TSPAN18: variants seen among roughly 807,000 people sequenced by gnomAD.
TSPAN18 encodes the protein tetraspanin-18.
A neutral mutation model predicts 27.3 loss-of-function variants in TSPAN18; 14 were observed. That is an observed-to-expected ratio of 0.51 (90% CI 0.34 to 0.80). The LOEUF (loss-of-function observed/expected upper bound fraction) is 0.80. Ranked by LOEUF, TSPAN18 falls within the 30% of genes least tolerant of loss-of-function variation. The pLI is 0.01. For missense variants in TSPAN18, 268 were observed against 323.9 expected (o/e 0.83, Z 1.32); for synonymous variants, 143 against 136.5 (o/e 1.05, Z -0.33).
At chr11:44,825,904 G>A (rs1483640678) in intron 2 of TSPAN18, among the ~76,000 whole-genome samples, 2 of 152,146 alleles carry the variant, frequency 1.3e-5, no homozygotes, top group African/African-American at 2.4e-5. Flanking sequence ...AGGCAGCCTC[G>A]AAAACCAGGG....
At chr11:44,906,357 C>T (rs1461867437) in intron 3 of TSPAN18, 50 bp from the exon 4 acceptor site, 1 of 1,582,850 alleles carries the variant, frequency 6.3e-7, no homozygotes, top group South Asian at 1.1e-5. Flanking sequence ...TGGGGTTCTT[C>T]CTGGGTGGGG....
At chr11:44,883,811 C>T (rs1352820578) in intron 3 of TSPAN18, among the ~76,000 whole-genome samples, 1 of 152,214 alleles carries the variant, frequency 6.6e-6, no homozygotes, top group African/African-American at 2.4e-5. Context: ...TGCCTAGGTT[C>T]GGATGCCAGC....
intron 8 of TSPAN18, among the ~76,000 whole-genome samples, chr11:44,922,465 G>T (rs745969723): frequency 2.1e-4 from 32 of 152,264 alleles, no homozygotes; most frequent in Admixed American, 5.2e-4. Flanking sequence ...CAAGGATCTG[G>T]GAAGAGTTGA....
intron 2 of TSPAN18, chr11:44,859,812 C>T (rs1183841940): frequency 6.6e-6 from 1 of 152,242 alleles, no homozygotes; most frequent in Non-Finnish European, 1.5e-5. Context: ...CTGCCACCAA[C>T]TTGCTGTGTG....
intron 2 of TSPAN18, among the ~76,000 whole-genome samples, chr11:44,790,250 C>T (rs1323232542): frequency 2.1e-5 from 3 of 143,556 alleles, no homozygotes; most frequent in Non-Finnish European, 3.0e-5. Flanking sequence ...TGTGCCTGTG[C>T]GTGCATATGT....
At chr11:44,728,695 T>C (rs1854579028) in intron 1 of TSPAN18, among the ~76,000 whole-genome samples, 1 of 152,216 alleles carries the variant, frequency 6.6e-6, no homozygotes, top group Non-Finnish European at 1.5e-5. Flanking sequence ...CTGCCCTGGG[T>C]CCCAGTTGTC....
chr11:44,863,231 A>G (rs1400105271), intron 3 of TSPAN18, among the ~76,000 whole-genome samples: 1 of 152,206 alleles, frequency 6.6e-6, no homozygotes, highest in Non-Finnish European at 1.5e-5. Flanking sequence ...GTTAGAAAGG[A>G]CATTCGGGAG....
intron 8 of TSPAN18, among the ~76,000 whole-genome samples, chr11:44,923,856 TG>T (rs1400527719): frequency 6.6e-6 from 1 of 152,176 alleles, no homozygotes; most frequent in Admixed American, 6.5e-5. Context: ...TCTCTGTTCC[TG>T]GGAAGCTTCC....
At chr11:44,791,050 G>A (rs1343159276) in intron 2 of TSPAN18, among the ~76,000 whole-genome samples, 3 of 152,240 alleles carry the variant, frequency 2.0e-5, no homozygotes, top group African/African-American at 7.2e-5. Context: ...ATGAAGGCTA[G>A]CCTGGTTCCC....
intron 2 of TSPAN18, among the ~76,000 whole-genome samples, chr11:44,777,995 C>A (rs1855853253): frequency 6.6e-6 from 1 of 151,958 alleles, no homozygotes; most frequent in South Asian, 2.1e-4. Flanking sequence ...AGAAAGGATA[C>A]CCTAGGGGGT....
intron 3 of TSPAN18, among the ~76,000 whole-genome samples, chr11:44,864,960 T>G (rs1857996487): frequency 6.6e-6 from 1 of 152,186 alleles, no homozygotes. Context: ...AGCCAGAGGT[T>G]GGTGAATGGA....
In TSPAN18 at chr11:44,886,911, A is replaced by G. The variant is rs149459671; in HGVS notation, c.-10-19496A>G. ...ACAGCTTGTCTGTGTGCCTGGGTAT[A>G]TATTGTCTGTGTGGGTTTGTTTGCA... On this transcript the variant is annotated intron_variant, in intron 3 of 9. Transcript: ENST00000520358. Among the ~76,000 whole-genome samples, 774 of 152,180 alleles carry G rather than the reference A, an allele frequency of 5.1e-3. 5 individuals carry two copies. Among genetic ancestry groups the G allele is most frequent in the African/African-American group, 0.018 (745 of 41,536 alleles).
chr11:44,740,331 C>T (rs1289372211), intron 1 of TSPAN18, among the ~76,000 whole-genome samples: 1 of 152,172 alleles, frequency 6.6e-6, no homozygotes, highest in Non-Finnish European at 1.5e-5. Context: ...ATAAGGGTGT[C>T]GGTTGGCAGA....
intron 2 of TSPAN18, among the ~76,000 whole-genome samples, chr11:44,784,389 T>C (rs1486673333): frequency 6.6e-6 from 1 of 152,172 alleles, no homozygotes; most frequent in Non-Finnish European, 1.5e-5. Flanking sequence ...CTCATGGTCT[T>C]GCTTTTACTC....
intron 3 of TSPAN18, among the ~76,000 whole-genome samples, chr11:44,861,085 G>T (rs1335516891): frequency 6.6e-6 from 1 of 152,138 alleles, no homozygotes; most frequent in African/African-American, 2.4e-5. Flanking sequence ...AAATGATGCT[G>T]TTAGGACCGT....
Position 44,882,627 on chromosome 11 carries a change from C to CACACACACACACACACAG in TSPAN18, c.-11+22159_-11+22160insCACACACACACACACAGA, listed in dbSNP as rs375349718. The stretch of plus-strand genomic sequence containing the variant: ...ACACACACACACACACACACACACA[C>CACACACACACACACACAG]AGAGAGAGAGCATGTGCGTGCATGT... On this transcript the variant is annotated intron_variant, in intron 3 of 9. Coordinates refer to ENST00000520358, the MANE Select transcript of TSPAN18 (RefSeq NM_130783.5). Among the ~76,000 whole-genome samples, 282 of 130,648 alleles carry CACACACACACACACACAG rather than the reference C, an allele frequency of 2.2e-3. 3 individuals are homozygous for CACACACACACACACACAG. The highest frequency in any genetic ancestry group is 7.9e-3 in the African/African-American group (264 of 33,224). The allele number at this position is 130,648 out of a possible 152,430, so 85.7% of individuals were successfully genotyped here.
chr11:44,915,984 TG>T (rs1859894240), intron 5 of TSPAN18, among the ~76,000 whole-genome samples: 1 of 152,136 alleles, frequency 6.6e-6, no homozygotes, highest in South Asian at 2.1e-4. Context: ...CTTGATGTGG[TG>T]GCTGGGGACA....
chr11:44,899,657 T>C (rs1184715740), intron 3 of TSPAN18, among the ~76,000 whole-genome samples: 1 of 152,230 alleles, frequency 6.6e-6, no homozygotes, highest in African/African-American at 2.4e-5. Flanking sequence ...ACTGTACCTC[T>C]ATGATACCAT....
Position 44,929,842 on chromosome 11 carries a change from A to C in TSPAN18, c.*664A>C, listed in dbSNP as rs1368045183. The C allele has an allele frequency of 6.6e-6, 1 of 152,548 alleles. No homozygotes were observed. The highest frequency in any genetic ancestry group is 1.5e-5 in the Non-Finnish European group (1 of 68,338). The allele number at this position is 152,548 out of a possible 1,614,324, so 9.4% of individuals were successfully genotyped here. On this transcript the variant is annotated 3_prime_UTR_variant, in exon 10 of 10. Transcript: ENST00000520358. ...TCCACAGACACACAGCACAGGCGTG[A>C]CAGTTCTGAAAAGAAGCTGAGTTGT... is the stretch of plus-strand genomic sequence containing the variant.
Sources: allele counts gnomAD v4.1 joint callset (sites outside exome capture counted in the v4.1 genomes callset), GRCh38; gene constraint gnomAD v4.1.1; transcripts MANE v1.5; gene names NCBI Gene and HGNC (gene_info 2026-07-23, HGNC 2026-07-21).